Variants in UVRAG observed in about 807,000 individuals in gnomAD.
UVRAG encodes UV radiation resistance-associated gene protein.
A neutral mutation model predicts 78.0 loss-of-function variants in UVRAG; 19 were observed. The ratio of observed to expected loss-of-function variants is 0.24; its 90% CI spans 0.17 to 0.36. UVRAG has a LOEUF of 0.36. Among genes scored for constraint, UVRAG ranks in the 10% least tolerant of loss-of-function variants. UVRAG has a pLI of 1.00. For missense variants in UVRAG, 740 were observed against 853.8 expected, an observed-to-expected ratio of 0.87 and a Z score of 1.66; for synonymous variants, 323 against 324.6, an observed-to-expected ratio of 1.00 and a Z score of 0.05.
chr11:76,103,266 G>T (rs1251038311), intron 13 of UVRAG, among the ~76,000 whole-genome samples: 1 of 152,046 alleles, frequency 6.6e-6, no homozygotes, highest in Non-Finnish European at 1.5e-5. Flanking sequence ...ATTAACACGA[G>T]GGGGTGAAGG....
chr11:75,944,956 T>C (rs773093245), intron 6 of UVRAG, among the ~76,000 whole-genome samples: 7 of 152,266 alleles, frequency 4.6e-5, no homozygotes, highest in Middle Eastern at 3.4e-3. Flanking sequence ...CAGTGAGATA[T>C]TACTGCCAGA....
chr11:76,039,601 G>T (rs982851778), intron 12 of UVRAG, among the ~76,000 whole-genome samples: 5 of 152,232 alleles, frequency 3.3e-5, no homozygotes, highest in African/African-American at 9.6e-5. Flanking sequence ...GAGGCCAGGC[G>T]CAGTGGCTCA....
intron 3 of UVRAG, among the ~76,000 whole-genome samples, chr11:75,872,537 C>G (rs903942875): frequency 6.6e-6 from 1 of 151,824 alleles, no homozygotes; most frequent in Admixed American, 6.6e-5. Flanking sequence ...ACAGGCGCGC[C>G]CCACCACGCC....
intron 2 of UVRAG, among the ~76,000 whole-genome samples, chr11:75,855,440 A>G (rs1265639060): frequency 6.6e-6 from 1 of 152,270 alleles, no homozygotes; most frequent in Non-Finnish European, 1.5e-5. Flanking sequence ...CATTCCTCCC[A>G]TTCCAAAATG....
chr11:75,861,302 C>A (rs1314371752), intron 2 of UVRAG, among the ~76,000 whole-genome samples: 1 of 152,132 alleles, frequency 6.6e-6, no homozygotes, highest in African/African-American at 2.4e-5. Flanking sequence ...AACTGTCAAC[C>A]AGTTAACCTA....
At chr11:76,018,659 G>A (rs1409010894) in intron 12 of UVRAG, among the ~76,000 whole-genome samples, 1 of 152,098 alleles carries the variant, frequency 6.6e-6, no homozygotes, top group East Asian at 1.9e-4. Flanking sequence ...CACCCACCTT[G>A]GCCTTCCAGA....
chr11:76,004,750 A>G (rs1591121775), intron 9 of UVRAG, among the ~76,000 whole-genome samples: 2 of 152,118 alleles, frequency 1.3e-5, no homozygotes, highest in African/African-American at 2.4e-5. Flanking sequence ...TCAACCTCCC[A>G]AAGTGCTGGG....
chr11:75,938,824 C>A (rs562585412), intron 6 of UVRAG, among the ~76,000 whole-genome samples: 5 of 152,312 alleles, frequency 3.3e-5, no homozygotes, highest in African/African-American at 1.2e-4. Flanking sequence ...CTGGAGTTCT[C>A]TGTGTGCAGT....
intron 14 of UVRAG, among the ~76,000 whole-genome samples, chr11:76,127,743 G>A (rs952390493): frequency 1.3e-5 from 2 of 152,032 alleles, no homozygotes; most frequent in African/African-American, 2.4e-5. Flanking sequence ...GATCACTTGA[G>A]GTCAGGAGTT....
chr11:75,885,009 T>C (rs917791553), intron 4 of UVRAG, among the ~76,000 whole-genome samples: 1 of 152,040 alleles, frequency 6.6e-6, no homozygotes, highest in Non-Finnish European at 1.5e-5. Flanking sequence ...TCTATAGATA[T>C]GTCTCTCCAT....
At position 76,141,652 on chromosome 11, in the gene UVRAG, C is replaced by G. The variant is rs1371286887; in HGVS notation, c.*239C>G. The stretch of plus-strand genomic sequence containing the variant: ...TGATGATTTTAAAGCAAAAATCACC[C>G]TCTAGTTGAAAGAGCTTACAGCTCG... On this transcript the variant is annotated 3_prime_UTR_variant, in exon 15 of 15. Transcript: ENST00000356136. 1.9e-6 allele frequency: 1 copy of G among 534,274 alleles called. No individual in the cohort carries two copies. 33.1% of individuals were successfully genotyped at this position (534,274 alleles called of 1,614,324 possible). A position where few individuals can be genotyped will look rare whatever the true frequency, so the allele number is the denominator to read the frequency against.
intron 3 of UVRAG, among the ~76,000 whole-genome samples, chr11:75,877,793 C>G (rs1412806252): frequency 2.1e-5 from 3 of 142,438 alleles, no homozygotes; most frequent in Non-Finnish European, 3.1e-5. Flanking sequence ...GGGCTCCTCA[C>G]TTCCCAGTAG....
At chr11:75,939,233 T>C (rs1268484753) in intron 6 of UVRAG, among the ~76,000 whole-genome samples, 2 of 152,148 alleles carry the variant, frequency 1.3e-5, no homozygotes, top group Non-Finnish European at 2.9e-5. Context: ...AAAAAATGAA[T>C]TTTCTCTACA....
At chr11:76,054,827 A>G (rs1212547108) in intron 12 of UVRAG, among the ~76,000 whole-genome samples, 1 of 152,228 alleles carries the variant, frequency 6.6e-6, no homozygotes, top group Admixed American at 6.5e-5. Flanking sequence ...GTTAGCACCT[A>G]GAAGAGTGCC....
chr11:75,913,710 GGTTTTCT>G (rs1298749516), intron 6 of UVRAG, among the ~76,000 whole-genome samples: 1 of 152,122 alleles, frequency 6.6e-6, no homozygotes, highest in Non-Finnish European at 1.5e-5. Context: ...ATGCTTTGAC[GGTTTTCT>G]GACAATGTTT....
At chr11:76,138,216 C>T (rs11236623) in intron 14 of UVRAG, among the ~76,000 whole-genome samples, 7,954 of 152,260 alleles carry the variant, frequency 0.052, 326 homozygotes, top group East Asian at 0.22. Context: ...ATTTGAATGT[C>T]GTGTTCCCTT....
intron 1 of UVRAG, among the ~76,000 whole-genome samples, chr11:75,850,921 C>T (rs546751820): frequency 2.6e-5 from 4 of 152,290 alleles, no homozygotes; most frequent in African/African-American, 9.6e-5. Context: ...GGTATGTGCA[C>T]GGGAAAAAGA....
intron 2 of UVRAG, among the ~76,000 whole-genome samples, chr11:75,853,304 C>T (rs1159417981): frequency 6.6e-6 from 1 of 152,042 alleles, no homozygotes; most frequent in Non-Finnish European, 1.5e-5. Context: ...AAAATTGAGT[C>T]AAGAAATATA....
intron 3 of UVRAG, among the ~76,000 whole-genome samples, chr11:75,875,641 CT>C (rs914381511): frequency 7.8e-6 from 1 of 128,682 alleles, no homozygotes; most frequent in African/African-American, 3.0e-5. Flanking sequence ...TCATATTGGT[CT>C]TTTTATCTCT....
Sources: allele counts gnomAD v4.1 joint callset (sites outside exome capture counted in the v4.1 genomes callset), GRCh38; gene constraint gnomAD v4.1.1; transcripts MANE v1.5; gene names NCBI Gene and HGNC (gene_info 2026-07-23, HGNC 2026-07-21).